The following PKHD1 variants were observed in gnomAD, a reference collection of about 807,000 sequenced individuals.
PKHD1 encodes the protein PKHD1 ciliary IPT domain containing fibrocystin/polyductin.
Under a neutral mutation model 412.0 loss-of-function variants are expected in PKHD1, and 291 were observed. That is an observed-to-expected ratio of 0.71 (90% CI 0.64 to 0.78). The LOEUF is 0.78. Ranked by LOEUF, PKHD1 falls within the 30% of genes least tolerant of loss-of-function variation. The pLI, the probability that PKHD1 is intolerant of heterozygous loss-of-function variation, is 0.00. For missense variants in PKHD1, 4,825 were observed against 4,950.7 expected (o/e 0.97, Z 0.76); for synonymous variants, 1,777 against 1,821.5 (o/e 0.98, Z 0.62).
intron 55 of PKHD1, among the ~76,000 whole-genome samples, chr6:51,761,601 C>CA (rs201285478): frequency 6.6e-6 from 1 of 151,636 alleles, no homozygotes; most frequent in Non-Finnish European, 1.5e-5. Flanking sequence ...ATCCTTACCA[C>CA]AAAAAAAGAT....
At position 51,632,623 on chromosome 6, in the gene PKHD1, G is replaced by A. The variant is rs752509045; in HGVS notation, c.11607C>T (p.Ala3869=). The change falls in exon 65 of 67, where the codon GCC becomes GCT. Residue 3869 remains alanine (A), a synonymous_variant. Transcript: ENST00000371117. ...IILAASLSSV[A]SWLALSCLVC... The stretch of plus-strand genomic sequence containing the variant: ...CCAGACAGCTCAGAGCCAGCCATGA[G>A]GCCACAGAGGACAGGGAAGCAGCCA... The A allele has an allele frequency of 8.7e-6, 14 of 1,613,406 alleles. No homozygotes were observed. The Admixed American group carries it at 2.3e-4, about 27-fold the overall frequency.
At chr6:51,877,059 G>A (rs1468580196) in intron 46 of PKHD1, among the ~76,000 whole-genome samples, 1 of 37,708 alleles carries the variant, frequency 2.7e-5, no homozygotes, top group Non-Finnish European at 4.0e-5. Context: ...AACAAGAGGA[G>A]CTAACTATCC....
chr6:51,745,507 G>C (rs1785076686), intron 59 of PKHD1, among the ~76,000 whole-genome samples: 1 of 152,108 alleles, frequency 6.6e-6, no homozygotes, highest in South Asian at 2.1e-4. Context: ...TATTATGCCA[G>C]TGTTTGATCT....
chr6:51,874,915 G>C (rs1360892697), intron 46 of PKHD1, among the ~76,000 whole-genome samples: 2 of 85,002 alleles, frequency 2.4e-5, no homozygotes, highest in African/African-American at 5.0e-5. Flanking sequence ...CGCACCGTGC[G>C]CGAGCCGAAG....
In PKHD1 at chr6:51,775,818, TG is replaced by T. The variant is rs746625317; in HGVS notation, c.8543del (p.Pro2848GlnfsTer36). ...ATATTATACTCTTACCAATTGTTCCTGGGTCAATATGAATTCCATTCATACG... is the reference window on the plus strand; with the variant it reads ...ATATTATACTCTTACCAATTGTTCCTGGTCAATATGAATTCCATTCATACG... The part of the protein sequence containing the change: ...CDRMNGIHID[P>X]GTIGVYGKVH... On this transcript the variant is annotated frameshift_variant, in exon 54 of 67. Transcript: ENST00000371117. LOFTEE classifies it high-confidence loss of function. 2 of 1,466,552 alleles carry T rather than the reference TG, an allele frequency of 1.4e-6. No individual in the cohort carries two copies. The highest frequency in any genetic ancestry group is 1.9e-6 in the Non-Finnish European group (2 of 1,047,134). 90.8% of individuals were successfully genotyped at this position (1,466,552 alleles called of 1,614,324 possible).
intron 50 of PKHD1, among the ~76,000 whole-genome samples, chr6:51,846,875 C>T (rs9370066): frequency 0.41 from 62,028 of 152,014 alleles, 13,843 homozygotes; most frequent in East Asian, 0.85. Flanking sequence ...CTTAATTCAG[C>T]CTCTCTCTGC....
At chr6:51,919,466 C>CAGA (rs748760921) in intron 37 of PKHD1, among the ~76,000 whole-genome samples, 1 of 152,130 alleles carries the variant, frequency 6.6e-6, no homozygotes, top group African/African-American at 2.4e-5. Context: ...TCTGAGGGCT[C>CAGA]TGTTCTGTTC....
Position 51,719,051 on chromosome 6 carries a change from T to A in PKHD1, c.10156+25334A>T, listed in dbSNP as rs148927739. Among the ~76,000 whole-genome samples, 498 of 152,236 alleles carry A rather than the reference T, an allele frequency of 3.3e-3. 3 individuals carry two copies. The highest frequency in any genetic ancestry group is 5.5e-3 in the Non-Finnish European group (377 of 68,012). On this transcript the variant is annotated intron_variant, in intron 60 of 66. Transcript: ENST00000371117. ...GCTGGCTAGGATGTCTGGATACTAA[T>A]ATATTAACATGACAGCTTCATGAAA...
At chr6:51,730,914 T>C (rs372828450) in intron 60 of PKHD1, among the ~76,000 whole-genome samples, 3 of 152,188 alleles carry the variant, frequency 2.0e-5, no homozygotes, top group African/African-American at 7.2e-5. Context: ...TTCTACCTTC[T>C]AAATTTTTGA....
chr6:51,806,380 A>G (rs1326582), intron 52 of PKHD1, among the ~76,000 whole-genome samples: 90,812 of 151,998 alleles, frequency 0.6, 27,543 homozygotes, highest in East Asian at 0.78. Flanking sequence ...TGAGCAATTG[A>G]GAGTGGAAGA....
intron 52 of PKHD1, among the ~76,000 whole-genome samples, chr6:51,823,406 C>T (rs779245630): frequency 1.3e-5 from 2 of 152,072 alleles, no homozygotes; most frequent in Non-Finnish European, 2.9e-5. Flanking sequence ...GCTAATGGAC[C>T]ATGACAATGA....
chr6:51,687,411 A>G (rs572492193), intron 60 of PKHD1, among the ~76,000 whole-genome samples: 1 of 152,226 alleles, frequency 6.6e-6, no homozygotes, highest in Non-Finnish European at 1.5e-5. Context: ...TTATATATAA[A>G]TGTTGACAAC....
At chr6:52,073,423 G>C in intron 7 of PKHD1, 40 bp downstream of exon 7, 1 of 1,200,572 alleles carries the variant, frequency 8.3e-7, no homozygotes, top group African/African-American at 1.5e-5. Flanking sequence ...CATGCAGCAT[G>C]TATGTAACTA....
chr6:52,051,067 TGCTTA>T (rs1299157902), intron 21 of PKHD1, among the ~76,000 whole-genome samples: 1 of 152,266 alleles, frequency 6.6e-6, no homozygotes, highest in Non-Finnish European at 1.5e-5. Flanking sequence ...TCATGCTTGA[TGCTTA>T]GCACATGCTA....
At position 51,704,720 on chromosome 6, in the gene PKHD1, G is replaced by A. The variant is rs138866843; in HGVS notation, c.10156+39665C>T. 9.1e-4 allele frequency among the ~76,000 whole-genome samples: 138 copies of A among 152,212 alleles called. 1 individual carries two copies. The highest frequency in any genetic ancestry group is 3.4e-3 in the Middle Eastern group (1 of 294). ...TTGAAAATAAGGCATTCTAAAACAGGTGGAACAGAGATGTTGTCTAGGTAA... is the reference window on the plus strand; with the variant it reads ...TTGAAAATAAGGCATTCTAAAACAGATGGAACAGAGATGTTGTCTAGGTAA... On this transcript the variant is annotated intron_variant, in intron 60 of 66. Transcript: ENST00000371117.
At chr6:52,048,118 C>T (rs58255263) in intron 23 of PKHD1, among the ~76,000 whole-genome samples, 8,038 of 152,286 alleles carry the variant, frequency 0.053, 297 homozygotes, top group East Asian at 0.11. Context: ...GGAGCAAATA[C>T]TTCACAGGAG....
intron 50 of PKHD1, among the ~76,000 whole-genome samples, chr6:51,845,612 G>A (rs9367462): frequency 0.41 from 61,624 of 152,060 alleles, 13,682 homozygotes; most frequent in East Asian, 0.86. Flanking sequence ...CCTAATAGAA[G>A]TGTTTTATAC....
In PKHD1 at chr6:52,048,628, C is replaced by T. The variant is rs376576760; in HGVS notation, c.2280-9G>A. 1.2e-5 allele frequency: 19 copies of T among 1,613,878 alleles called. No individual in the cohort carries two copies. The African/African-American group carries it at 1.5e-4, about 12-fold the overall frequency. ...CTTCAGTGGGCACAGAGCTGTGGCA[C>T]GTCAGAAACAAAGTATTAACGTCTG... On this transcript the variant is annotated splice_polypyrimidine_tract_variant and intron_variant, in intron 22 of 66. Transcript: ENST00000371117.
At chr6:51,632,467 A>G (rs1045429489) in intron 65 of PKHD1, 98 bp downstream of exon 65, 28 of 1,035,292 alleles carry the variant, frequency 2.7e-5, no homozygotes, top group Non-Finnish European at 3.6e-5. Flanking sequence ...GCTCACAAAA[A>G]TTTGTCTTTG....
Sources: allele counts gnomAD v4.1 joint callset (sites outside exome capture counted in the v4.1 genomes callset), GRCh38; gene constraint gnomAD v4.1.1; transcripts MANE v1.5; gene names NCBI Gene and HGNC (gene_info 2026-07-23, HGNC 2026-07-21).